Variants in MTPAP observed in about 807,000 individuals in gnomAD.
MTPAP encodes poly(A) RNA polymerase, mitochondrial.
In MTPAP, 23 loss-of-function variants were observed where a neutral mutation model predicts 48.7. The ratio of observed to expected loss-of-function variants is 0.47; its 90% CI spans 0.34 to 0.67. MTPAP has a LOEUF of 0.67. Ranked by LOEUF, MTPAP falls within the 30% of genes least tolerant of loss-of-function variation. The probability of loss-of-function intolerance (pLI) is 0.01; values close to 1 mark genes in which losing one functional copy is unlikely to be tolerated. For synonymous variants in MTPAP, 257 were observed against 254.1 expected (o/e 1.01, Z -0.11); for missense variants, 614 against 694.3 (o/e 0.88, Z 1.30).
chr10:30,323,422 A>T (rs1163823259), intron 5 of MTPAP, among the ~76,000 whole-genome samples: 1 of 138,912 alleles, frequency 7.2e-6, no homozygotes, highest in Non-Finnish European at 1.5e-5. Context: ...ATTGCACTCC[A>T]GCCTGGGTGT....
chr10:30,347,106 T>C (rs1372608220), intron 1 of MTPAP, among the ~76,000 whole-genome samples: 2 of 152,238 alleles, frequency 1.3e-5, no homozygotes, highest in African/African-American at 4.8e-5. Context: ...TTCTGTTACC[T>C]GTATCAGAAA....
chr10:30,320,119 A>T (rs984241804), intron 6 of MTPAP, among the ~76,000 whole-genome samples: 1 of 152,130 alleles, frequency 6.6e-6, no homozygotes, highest in African/African-American at 2.4e-5. Context: ...AAATTAGCTG[A>T]GTGAGTGGTG....
chr10:30,329,742 C>G (rs1338397641), intron 4 of MTPAP, among the ~76,000 whole-genome samples: 1 of 151,952 alleles, frequency 6.6e-6, no homozygotes, highest in Non-Finnish European at 1.5e-5. Context: ...TGGTCCAGTG[C>G]CTAGGATTTG....
intron 1 of MTPAP, among the ~76,000 whole-genome samples, chr10:30,346,892 T>G (rs1327925335): frequency 1.3e-5 from 2 of 152,110 alleles, no homozygotes; most frequent in Non-Finnish European, 2.9e-5. Context: ...GAGCTGCTGG[T>G]GACCATCACC....
chr10:30,322,249 G>T, intron 6 of MTPAP, 142 bp downstream of exon 6: 1 of 726,972 alleles, frequency 1.4e-6, no homozygotes, highest in Non-Finnish European at 2.3e-6. Flanking sequence ...ATCTGCTCTC[G>T]TGACTCCGGT....
At chr10:30,335,907 G>A (rs1231411199) in intron 4 of MTPAP, among the ~76,000 whole-genome samples, 1 of 152,186 alleles carries the variant, frequency 6.6e-6, no homozygotes, top group African/African-American at 2.4e-5. Context: ...TACTCAGGAG[G>A]CTGAGGCAGG....
intron 6 of MTPAP, among the ~76,000 whole-genome samples, chr10:30,319,655 T>C (rs1283047551): frequency 2.6e-5 from 4 of 152,332 alleles, no homozygotes; most frequent in African/African-American, 9.6e-5. Flanking sequence ...CTCCTCAAAA[T>C]GATCTTCACC....
chr10:30,315,731 T>C (rs987222809), intron 8 of MTPAP, among the ~76,000 whole-genome samples: 1 of 152,188 alleles, frequency 6.6e-6, no homozygotes, highest in Non-Finnish European at 1.5e-5. Context: ...AGAAGTCCCA[T>C]GGCATAATAA....
rs1393885329 is a variant in MTPAP at position 30,341,525 on chromosome 10, A to G, written c.273T>C (p.Phe91=). 6.2e-7 allele frequency: 1 copy of G among 1,614,016 alleles called. No individual in the cohort carries two copies. Among genetic ancestry groups the G allele is most frequent in the South Asian group, 1.1e-5 (1 of 91,068 alleles). The change falls in exon 2 of 9, where the codon TTT becomes TTC. Residue 91 remains phenylalanine, a synonymous_variant. Transcript: ENST00000263063. ...GTCCAAATTGGGATAAATATTTAAGAAACTTGTTTTCACTGATTTTCTCTG... is the reference window on the plus strand; with the variant it reads ...GTCCAAATTGGGATAAATATTTAAGGAACTTGTTTTCACTGATTTTCTCTG... The part of the protein sequence containing the change: ...HCPEKISENK[F]LKYLSQFGPI...
chr10:30,349,166 G>C lies in MTPAP; in HGVS notation c.110C>G (p.Ala37Gly). Residue 37 changes from alanine to glycine, a missense_variant, in exon 1 of 9, where the codon GCC becomes GGC. Physicochemically the swap from Ala to Gly is moderately conservative, Grantham distance 60. Around this residue, in one of 5 missense-constraint regions of MTPAP, gnomAD observed 125 missense variants for 111.5 expected, o/e 1.12. Transcript: ENST00000263063. ...CTGCTCGTCTCTCCTAAGGTCTTTG[G>C]CCACAGTTCCTGGGCAACTCAAAAG... ...VRLLSCPGTV[A>G]KDLRRDEQPS... The C allele has an allele frequency of 6.2e-7, 1 of 1,613,094 alleles. No homozygotes were observed. The highest frequency in any genetic ancestry group is 8.5e-7 in the Non-Finnish European group (1 of 1,179,746).
Position 30,341,471 on chromosome 10 carries a change from G to A in MTPAP, c.327C>T (p.Ser109=), listed in dbSNP as rs1834805771. 4.3e-6 allele frequency: 7 copies of A among 1,612,844 alleles called. No individual in the cohort carries two copies. Among genetic ancestry groups the A allele is most frequent in the Non-Finnish European group, 5.9e-6 (7 of 1,179,474 alleles). The change falls in exon 2 of 9, where the codon AGC becomes AGT. Residue 109 remains serine (S), a synonymous_variant. Transcript: ENST00000263063. ...AGATTGTTTTTCAAATACTTACAAAGCTTTCATAGAAGAAATGATTATTAA... is the reference window on the plus strand; with the variant it reads ...AGATTGTTTTTCAAATACTTACAAAACTTTCATAGAAGAAATGATTATTAA... ...GPINNHFFYE[S]FGLYAVVEFC...
Position 30,349,221 on chromosome 10 carries a change from T to C in MTPAP, c.55A>G (p.Arg19Gly). Residue 19 changes from arginine to glycine, a missense_variant, in exon 1 of 9, where the codon AGA becomes GGA. Transcript: ENST00000263063. The part of the protein sequence containing the change: ...LTRLNLCARR[R>G]TRVQRPIVRL... Reference sequence around the variant, plus strand: ...ACGATAGGCCGCTGGACTCGAGTTCTTCTCCGGGCACACAGGTTCAAACGG... The same window carrying C: ...ACGATAGGCCGCTGGACTCGAGTTCCTCTCCGGGCACACAGGTTCAAACGG... 1 of 1,608,916 alleles carries C rather than the reference T, an allele frequency of 6.2e-7. No individual in the cohort carries two copies. The highest frequency in any genetic ancestry group is 8.5e-7 in the Non-Finnish European group (1 of 1,178,038).
intron 1 of MTPAP, among the ~76,000 whole-genome samples, chr10:30,344,142 G>A (rs1028908499): frequency 2.6e-5 from 4 of 151,908 alleles, no homozygotes; most frequent in African/African-American, 9.7e-5. Flanking sequence ...CAACTCCATA[G>A]CATGGGTATA....
At chr10:30,341,138 G>T (rs1186559212) in intron 2 of MTPAP, among the ~76,000 whole-genome samples, 7 of 151,838 alleles carry the variant, frequency 4.6e-5, no homozygotes. Context: ...CCCGAGCCTA[G>T]GAGTCGAGGC....
rs189761501 is a variant in MTPAP at position 30,323,549 on chromosome 10, G to A, written c.993-932C>T. ...ATTTGAGACGGAGTCTCGCTCTGTC[G>A]CCCAGGCTAGAGCGCAATGGCGCGA... On this transcript the variant is annotated intron_variant, in intron 5 of 8. Coordinates refer to ENST00000263063, the MANE Select transcript of MTPAP (RefSeq NM_018109.4). Among the ~76,000 whole-genome samples, 743 of 151,696 alleles carry A rather than the reference G, an allele frequency of 4.9e-3. 7 individuals are homozygous for A. Among genetic ancestry groups the A allele is most frequent in the African/African-American group, 0.017 (711 of 41,398 alleles).
chr10:30,315,836 T>G (rs1412311108), intron 8 of MTPAP, 127 bp downstream of exon 8: 1 of 1,090,128 alleles, frequency 9.2e-7, no homozygotes, highest in Non-Finnish European at 1.3e-6. Flanking sequence ...ATCAACCTCC[T>G]TGTTACTACA....
intron 3 of MTPAP, among the ~76,000 whole-genome samples, chr10:30,338,544 G>A (rs968755835): frequency 4.4e-4 from 67 of 151,990 alleles, no homozygotes; most frequent in African/African-American, 1.4e-3. Flanking sequence ...GTGTGATGGC[G>A]CGTGCCTGTA....
At chr10:30,337,051 C>CA (rs760959592) in intron 3 of MTPAP, 24 bp from the exon 4 acceptor site, 2 of 1,568,596 alleles carry the variant, frequency 1.3e-6, no homozygotes, top group Non-Finnish European at 8.8e-7. Context: ...ACAAAACCAA[C>CA]AAAATAGAGA....
chr10:30,348,890 C>A, intron 1 of MTPAP: 2 of 605,934 alleles, frequency 3.3e-6, no homozygotes, highest in Non-Finnish European at 5.8e-6. Flanking sequence ...AACTCCATTA[C>A]TGTACACAGG....
Sources: gnomAD v4.1 joint callset for allele counts (sites outside exome capture counted in the v4.1 genomes callset) on GRCh38, gnomAD v4.1.1 for gene constraint, gnomAD v4.1.1 regional missense constraint, MANE v1.5 for transcripts, NCBI Gene and HGNC (gene_info 2026-07-23, HGNC 2026-07-21) for gene names.